The following LDB3 variants were observed in gnomAD, a reference collection of about 807,000 sequenced individuals.
LDB3 encodes the protein LIM domain-binding protein 3.
Under a neutral mutation model 69.0 loss-of-function variants are expected in LDB3, and 49 were observed. The ratio of observed to expected loss-of-function variants is 0.71; its 90% CI spans 0.56 to 0.90. The LOEUF (loss-of-function observed/expected upper bound fraction) is 0.90. Ranked by LOEUF, LDB3 falls within the 40% of genes least tolerant of loss-of-function variation. The probability of loss-of-function intolerance (pLI) is 0.00; values close to 1 mark genes in which losing one functional copy is unlikely to be tolerated. For synonymous variants in LDB3, 387 were observed against 396.2 expected (o/e 0.98, Z 0.28); for missense variants, 928 against 974.1 (o/e 0.95, Z 0.63).
Position 86,680,131 on chromosome 10 carries a change from C to A in LDB3, c.295C>A (p.Pro99Thr). The change falls in exon 4 of 14, where the codon CCT becomes ACT. Residue 99 changes from proline (P) to threonine (T), a missense_variant. Physicochemically the swap from Pro to Thr is conservative, Grantham distance 38. Coordinates refer to ENST00000361373, the MANE Select transcript of LDB3 (RefSeq NM_007078.3). ...ISTTAPPVQT[P>T]LPVIPHQKDP... ...CACGACAGCACCTCCAGTCCAGACC[C>A]CTCTGCCGGTGATCCCTCACCAGAA... The A allele has an allele frequency of 1.2e-6, 2 of 1,614,214 alleles. No homozygotes were observed. The highest frequency in any genetic ancestry group is 1.7e-6 in the Non-Finnish European group (2 of 1,180,008).
chr10:86,680,077 T>C lies in LDB3; in HGVS notation c.246-5T>C. ...CTCACCTGGTCTCATTTCTGGTTTC[T>C]ACAGATCAAAGCGTCCCATTCCCAT... On this transcript the variant is annotated splice_region_variant and splice_polypyrimidine_tract_variant and intron_variant, in intron 3 of 13. Transcript: ENST00000361373. The C allele has an allele frequency of 6.2e-7, 1 of 1,614,014 alleles. No homozygotes were observed. Among genetic ancestry groups the C allele is most frequent in the South Asian group, 1.1e-5 (1 of 91,084 alleles).
At chr10:86,702,726 C>G (rs1293831639) in intron 7 of LDB3, among the ~76,000 whole-genome samples, 1 of 152,180 alleles carries the variant, frequency 6.6e-6, no homozygotes, top group Non-Finnish European at 1.5e-5. Context: ...CTATGATGCC[C>G]CCTTCAGAAT....
Position 86,686,516 on chromosome 10 carries a change from G to T in LDB3, c.689+4713G>T, listed in dbSNP as rs918842603. 3.3e-5 allele frequency among the ~76,000 whole-genome samples: 5 copies of T among 152,186 alleles called. No homozygotes were observed. In the East Asian group the frequency reaches 9.6e-4, roughly 29 times the overall value. On this transcript the variant is annotated intron_variant, in intron 5 of 13. Coordinates refer to ENST00000361373, the MANE Select transcript of LDB3 (RefSeq NM_007078.3). ...AGGGGAGCTGGGAAAGCCAAGATGG[G>T]CAAGGAAACCCTTCTATGGCCAGGA...
At chr10:86,698,309 A>G (rs1372896603) in intron 7 of LDB3, among the ~76,000 whole-genome samples, 1 of 152,228 alleles carries the variant, frequency 6.6e-6, no homozygotes, top group Non-Finnish European at 1.5e-5. Flanking sequence ...ATCTCATAGT[A>G]TGGACTCAGA....
At chr10:86,709,854 C>T (rs754969742) in intron 8 of LDB3, 51 bp from the exon 9 acceptor site, 1 of 1,597,666 alleles carries the variant, frequency 6.3e-7, no homozygotes, top group East Asian at 2.2e-5. Flanking sequence ...TGACTGCAGG[C>T]CCCAGTGGGG....
At chr10:86,669,040 G>A (rs970624406) in intron 2 of LDB3, among the ~76,000 whole-genome samples, 6 of 151,658 alleles carry the variant, frequency 4.0e-5, no homozygotes, top group Non-Finnish European at 8.8e-5. Context: ...GAGTTTTCAG[G>A]CAGGCAGGCA....
At chr10:86,679,986 G>GCT (rs1845020822) in intron 3 of LDB3, 96 bp from the exon 4 acceptor site, 1 of 1,063,598 alleles carries the variant, frequency 9.4e-7, no homozygotes, top group East Asian at 2.4e-5. Context: ...GCTGACTCTG[G>GCT]CTCTCTCTTG....
chr10:86,719,306 C>A (rs1340542888), intron 12 of LDB3, among the ~76,000 whole-genome samples: 3 of 151,776 alleles, frequency 2.0e-5, no homozygotes, highest in African/African-American at 7.3e-5. Flanking sequence ...GTGGGAGGGT[C>A]GCTTGAGTCC....
Position 86,681,769 on chromosome 10 carries a change from C to G in LDB3, c.655C>G (p.Arg219Gly). 2 of 1,600,236 alleles carry G rather than the reference C, an allele frequency of 1.2e-6. No homozygotes were observed. Among genetic ancestry groups the G allele is most frequent in the Non-Finnish European group, 1.7e-6 (2 of 1,172,664 alleles). The change falls in exon 5 of 14, where the codon CGA becomes GGA. Residue 219 changes from arginine to glycine, a missense_variant. Physicochemically the swap from Arg to Gly is moderately radical, Grantham distance 125. Coordinates refer to ENST00000361373, the MANE Select transcript of LDB3 (RefSeq NM_007078.3). ...GGCTCAGATGTACCAGATGAGCCTC[C>G]GAGGGAAGGCCTCGGGTGTCGGACT... Reference protein sequence around the residue: ...EMAQMYQMSLRGKASGVGLPG... With the variant: ...EMAQMYQMSLGGKASGVGLPG...
Position 86,710,015 on chromosome 10 carries a change from C to T in LDB3, c.1196C>T (p.Thr399Ile). Residue 399 changes from threonine (T) to isoleucine (I), a missense_variant, in exon 9 of 14, where the codon ACC becomes ATC. Physicochemically the swap from Thr to Ile is moderately conservative, Grantham distance 89. Coordinates refer to ENST00000361373, the MANE Select transcript of LDB3 (RefSeq NM_007078.3). ...AAPAPKPRVVTTASIRPSVYQ... is the reference protein window; with the variant it reads ...AAPAPKPRVVITASIRPSVYQ... ...CCTGCACCCAAGCCCCGGGTTGTCA[C>T]CACTGCCAGCATCCGGCCTTCTGTC... 1 of 1,613,232 alleles carries T rather than the reference C, an allele frequency of 6.2e-7. No homozygotes were observed. Among genetic ancestry groups the T allele is most frequent in the Non-Finnish European group, 8.5e-7 (1 of 1,180,016 alleles).
At chr10:86,684,442 TGG>T (rs1845348927) in intron 5 of LDB3, among the ~76,000 whole-genome samples, 1 of 152,244 alleles carries the variant, frequency 6.6e-6, no homozygotes, top group African/African-American at 2.4e-5. Flanking sequence ...CAGGGGGCCC[TGG>T]GCTGGTCAGG....
intron 8 of LDB3, among the ~76,000 whole-genome samples, chr10:86,709,015 G>T (rs1190288351): frequency 1.3e-5 from 2 of 152,188 alleles, no homozygotes; most frequent in African/African-American, 4.8e-5. Flanking sequence ...TAACCCATTT[G>T]CCCTGGGTGT....
At chr10:86,712,501 C>G (rs562100781) in intron 9 of LDB3, among the ~76,000 whole-genome samples, 1 of 152,236 alleles carries the variant, frequency 6.6e-6, no homozygotes, top group African/African-American at 2.4e-5. Flanking sequence ...CTCGTTTCGG[C>G]TAAGCAGTTC....
At chr10:86,696,999 T>C (rs1846026661) in intron 7 of LDB3, among the ~76,000 whole-genome samples, 1 of 152,088 alleles carries the variant, frequency 6.6e-6, no homozygotes, top group South Asian at 2.1e-4. Flanking sequence ...TGTCAAACAG[T>C]CTTAGACAGA....
intron 2 of LDB3, among the ~76,000 whole-genome samples, chr10:86,669,330 G>A (rs949443924): frequency 2.6e-5 from 4 of 152,158 alleles, no homozygotes; most frequent in African/African-American, 9.7e-5. Context: ...CCAAGACCCT[G>A]GCTCATGGGG....
chr10:86,698,557 C>A (rs984643661), intron 7 of LDB3, among the ~76,000 whole-genome samples: 1 of 152,214 alleles, frequency 6.6e-6, no homozygotes, highest in Non-Finnish European at 1.5e-5. Flanking sequence ...GTGGCCTCAG[C>A]TGAGCAGGTG....
chr10:86,678,188 C>T (rs1453603963), intron 2 of LDB3, among the ~76,000 whole-genome samples: 1 of 152,008 alleles, frequency 6.6e-6, no homozygotes, highest in African/African-American at 2.4e-5. Flanking sequence ...GCTGAGACTA[C>T]AGGCACATGC....
intron 4 of LDB3, among the ~76,000 whole-genome samples, chr10:86,680,436 T>C (rs545958336): frequency 5.3e-5 from 8 of 152,216 alleles, no homozygotes; most frequent in Non-Finnish European, 7.4e-5. Flanking sequence ...GAAGCCAGCT[T>C]GGGCAGCAGT....
chr10:86,668,770 C>T lies in LDB3; in HGVS notation c.79C>T (p.Leu27Phe), dbSNP rs1554844343. 6.2e-7 allele frequency: 1 copy of T among 1,613,082 alleles called. No individual in the cohort carries two copies. The highest frequency in any genetic ancestry group is 8.5e-7 in the Non-Finnish European group (1 of 1,179,864). The change falls in exon 2 of 14, where the codon CTC becomes TTC. Residue 27 changes from leucine to phenylalanine, a missense_variant. Leu to Phe is a conservative substitution (Grantham distance 22, BLOSUM62 0). Transcript: ENST00000361373. ...LQGGKDFNMP[L>F]TISRITPGSK... ...GGGGGGCAAGGACTTCAACATGCCCCTCACTATCTCCCGGGTGAGTGCACC... is the reference window on the plus strand; with the variant it reads ...GGGGGGCAAGGACTTCAACATGCCCTTCACTATCTCCCGGGTGAGTGCACC...
Sources: gnomAD v4.1 joint callset for allele counts (sites outside exome capture counted in the v4.1 genomes callset) on GRCh38, gnomAD v4.1.1 for gene constraint, MANE v1.5 for transcripts, NCBI Gene and HGNC (gene_info 2026-07-23, HGNC 2026-07-21) for gene names.